The following XPO1 variants were observed in gnomAD, a reference collection of about 807,000 sequenced individuals.
The protein encoded by XPO1 is exportin 1.
In XPO1, 5 loss-of-function variants were observed where a neutral mutation model predicts 133.3. The observed-to-expected ratio is 0.04, with a 90% CI of 0.02 to 0.08. XPO1 has a LOEUF of 0.08. XPO1 is among the 10% of genes least tolerant of loss of function. XPO1 has a pLI of 1.00. For synonymous variants in XPO1, 419 were observed against 408.2 expected (o/e 1.03, Z -0.32); for missense variants, 506 against 1,267.5 (o/e 0.40, Z 9.12).
intron 17 of XPO1, among the ~76,000 whole-genome samples, chr2:61,490,208 T>TA (rs1428492181): frequency 2.7e-5 from 4 of 149,786 alleles, no homozygotes; most frequent in East Asian, 2.0e-4. Context: ...CATTTATTTT[T>TA]TTTTTTTTGA....
Position 61,529,818 on chromosome 2 carries a change from C to CT in XPO1, c.127-3298dup, listed in dbSNP as rs1280961191. ...AAACACACTGCTACACACTCAATAACTTATATGGTTGTTCTCTACCCAGAA... is the reference window on the plus strand; with the variant it reads ...AAACACACTGCTACACACTCAATAACTTTATATGGTTGTTCTCTACCCAGAA... On this transcript the variant is annotated intron_variant, in intron 2 of 24. Transcript: ENST00000401558. 9.2e-5 allele frequency among the ~76,000 whole-genome samples: 14 copies of CT among 152,282 alleles called. 1 individual carries two copies. Among genetic ancestry groups the CT allele is most frequent in the Admixed American group, 5.2e-4 (8 of 15,294 alleles).
At chr2:61,493,518 A>AT in intron 12 of XPO1, 3 of 201,806 alleles carry the variant, frequency 1.5e-5, no homozygotes, top group Admixed American at 5.6e-5. Context: ...AAAAGAAAAA[A>AT]TTTTTTTTCA....
intron 4 of XPO1, among the ~76,000 whole-genome samples, chr2:61,506,487 T>C (rs1697820252): frequency 6.7e-6 from 1 of 149,454 alleles, no homozygotes; most frequent in Admixed American, 6.8e-5. Context: ...TAATCCCAGC[T>C]ACCTGGGAAG....
chr2:61,510,113 T>G (rs566380248), intron 4 of XPO1, among the ~76,000 whole-genome samples: 2 of 151,872 alleles, frequency 1.3e-5, no homozygotes, highest in South Asian at 4.2e-4. Flanking sequence ...AACCTGTCTA[T>G]TAAAATACAA....
intron 3 of XPO1, chr2:61,525,784 A>G: frequency 2.9e-6 from 3 of 1,033,506 alleles, no homozygotes; most frequent in Non-Finnish European, 3.5e-6. Context: ...GAATATGGCT[A>G]TCTTCTGTTT....
intron 2 of XPO1, among the ~76,000 whole-genome samples, chr2:61,532,270 G>C (rs965586502): frequency 3.8e-4 from 58 of 152,110 alleles, no homozygotes; most frequent in Admixed American, 9.8e-4. Flanking sequence ...TGGGACTACA[G>C]GCGCCCGCCA....
chr2:61,535,334 G>A (rs2104855913), intron 1 of XPO1, among the ~76,000 whole-genome samples: 1 of 152,118 alleles, frequency 6.6e-6, no homozygotes, highest in East Asian at 1.9e-4. Flanking sequence ...CAATTATAGA[G>A]GATTCAGGAC....
intron 24 of XPO1, 102 bp from the exon 25 acceptor site, chr2:61,479,068 A>C: frequency 7.3e-7 from 1 of 1,364,270 alleles, no homozygotes; most frequent in East Asian, 2.4e-5. Context: ...AAGGAATATA[A>C]ATTATCCATA....
chr2:61,488,721 A>G lies in XPO1; in HGVS notation c.2073T>C (p.Ile691=), dbSNP rs1170830945. The G allele has an allele frequency of 6.2e-7, 1 of 1,614,220 alleles. No homozygotes were observed. The highest frequency in any genetic ancestry group is 1.6e-4 in the Middle Eastern group (1 of 6,062). The stretch of plus-strand genomic sequence containing the variant: ...TGCAGGCTCTCACATTTGTTTTCAA[A>G]ATGCTACCAAGCTGCTTGACTGTTT... The part of the protein sequence containing the change: ...DPETVKQLGS[I]LKTNVRACKA... Residue 691 remains isoleucine (I), a synonymous_variant, in exon 18 of 25, where the codon ATT becomes ATC. Transcript: ENST00000401558.
intron 2 of XPO1, among the ~76,000 whole-genome samples, chr2:61,530,893 T>C (rs1233442853): frequency 6.6e-6 from 1 of 152,180 alleles, no homozygotes; most frequent in Non-Finnish European, 1.5e-5. Context: ...ATTTTCATTA[T>C]ACTGCTAAAT....
chr2:61,521,788 G>A (rs921252906), intron 4 of XPO1, among the ~76,000 whole-genome samples: 3 of 151,718 alleles, frequency 2.0e-5, no homozygotes, highest in Admixed American at 6.6e-5. Flanking sequence ...ACGGAGTTTC[G>A]CTCGTTGCCC....
Position 61,491,985 on chromosome 2 carries a change from G to T in XPO1, c.1887+50C>A, listed in dbSNP as rs377452630. The T allele has an allele frequency of 4.5e-4, 722 of 1,593,302 alleles. 6 individuals carry two copies. The highest frequency in any genetic ancestry group is 3.3e-3 in the Middle Eastern group (19 of 5,688). The stretch of plus-strand genomic sequence containing the variant: ...CTATTTCCATTGATACATACAGATT[G>T]ATACAAGTGTTACTTTCTAAAAATA... On this transcript the variant is annotated intron_variant, in intron 16 of 24. Transcript: ENST00000401558.
chr2:61,528,495 T>C (rs1447190944), intron 2 of XPO1, among the ~76,000 whole-genome samples: 2 of 151,630 alleles, frequency 1.3e-5, no homozygotes, highest in Non-Finnish European at 2.9e-5. Flanking sequence ...TAGCCGGGAA[T>C]GGTGGCGTGC....
rs919037072 is a variant in XPO1 at position 61,493,889 on chromosome 2, G to A, written c.1245+5C>T. 6.8e-6 allele frequency: 11 copies of A among 1,614,000 alleles called. No individual in the cohort carries two copies. The highest frequency in any genetic ancestry group is 6.8e-6 in the Non-Finnish European group (8 of 1,179,928). On this transcript the variant is annotated splice_donor_5th_base_variant and intron_variant, in intron 12 of 24. Transcript: ENST00000401558. ...GGAAGAACACTCAACCAACCGCTCT[G>A]TTACCTTGAATAACATGGGCAAATA... is the stretch of plus-strand genomic sequence containing the variant.
At chr2:61,522,819 A>T in intron 3 of XPO1, 136 bp from the exon 4 acceptor site, 4 of 654,520 alleles carry the variant, frequency 6.1e-6, no homozygotes, top group Non-Finnish European at 1.1e-5. Flanking sequence ...TTAATTACAC[A>T]TATTAAACAA....
intron 6 of XPO1, among the ~76,000 whole-genome samples, chr2:61,500,471 C>T (rs1161322770): frequency 2.0e-5 from 3 of 147,014 alleles, no homozygotes; most frequent in Non-Finnish European, 1.5e-5. Flanking sequence ...CCCAGCTGCT[C>T]GGGAGGCTGA....
chr2:61,499,658 G>A, intron 7 of XPO1, 55 bp downstream of exon 7: 1 of 1,462,196 alleles, frequency 6.8e-7, no homozygotes, highest in Non-Finnish European at 9.2e-7. Flanking sequence ...CATCCAAACT[G>A]CTTGAAATTG....
intron 4 of XPO1, among the ~76,000 whole-genome samples, chr2:61,509,423 T>TTGAG (rs778985658): frequency 1.3e-5 from 2 of 152,096 alleles, no homozygotes; most frequent in Non-Finnish European, 2.9e-5. Context: ...GGTTTGGAGT[T>TTGAG]TGAGACCAGC....
chr2:61,533,132 T>C (rs778454598), intron 2 of XPO1, among the ~76,000 whole-genome samples: 10 of 151,914 alleles, frequency 6.6e-5, no homozygotes, highest in East Asian at 3.9e-4. Context: ...TGAGCTGAGA[T>C]AGCGCCACTG....
Sources: gnomAD v4.1 joint callset for allele counts (sites outside exome capture counted in the v4.1 genomes callset) on GRCh38, gnomAD v4.1.1 for gene constraint, MANE v1.5 for transcripts, NCBI Gene and HGNC (gene_info 2026-07-23, HGNC 2026-07-21) for gene names.